The following ANKS1A variants were observed in gnomAD, a reference collection of about 807,000 sequenced individuals.
ANKS1A encodes the protein ankyrin repeat and SAM domain-containing protein 1A.
Under a neutral mutation model 120.3 loss-of-function variants are expected in ANKS1A, and 55 were observed. The observed-to-expected ratio is 0.46, with a 90% CI of 0.37 to 0.57. The LOEUF (loss-of-function observed/expected upper bound fraction) is 0.57. Ranked by LOEUF, ANKS1A falls within the 20% of genes least tolerant of loss-of-function variation. The pLI is 0.00. For synonymous variants in ANKS1A, 590 were observed against 604.7 expected, an observed-to-expected ratio of 0.98 and a Z score of 0.36; for missense variants, 1,123 against 1,480.3, an observed-to-expected ratio of 0.76 and a Z score of 3.96.
intron 1 of ANKS1A, among the ~76,000 whole-genome samples, chr6:34,934,982 C>A (rs1422889019): frequency 6.6e-6 from 1 of 152,212 alleles, no homozygotes; most frequent in Non-Finnish European, 1.5e-5. Flanking sequence ...CCATGTGAAG[C>A]CATTCATATT....
At chr6:35,012,281 G>A (rs138123001) in intron 10 of ANKS1A, among the ~76,000 whole-genome samples, 107 of 152,296 alleles carry the variant, frequency 7.0e-4, no homozygotes, top group African/African-American at 2.3e-3. Context: ...TCAGGTTGCC[G>A]TGGACCAAAA....
At chr6:35,074,700 G>A (rs1229123495) in intron 13 of ANKS1A, among the ~76,000 whole-genome samples, 1 of 152,248 alleles carries the variant, frequency 6.6e-6, no homozygotes, top group African/African-American at 2.4e-5. Flanking sequence ...GCTGGCCTCA[G>A]ACCTGGAGTG....
chr6:34,932,420 C>T (rs906130394), intron 1 of ANKS1A, among the ~76,000 whole-genome samples: 5 of 150,410 alleles, frequency 3.3e-5, no homozygotes, highest in Middle Eastern at 7.2e-3. Context: ...TCAGGCGATC[C>T]GCCTGAGGAT....
chr6:34,925,365 G>A (rs1456695849), intron 1 of ANKS1A, among the ~76,000 whole-genome samples: 8 of 152,214 alleles, frequency 5.3e-5, no homozygotes, highest in Non-Finnish European at 8.8e-5. Flanking sequence ...CATCAAGGGT[G>A]AGGGGAAGGA....
At chr6:34,969,695 G>C (rs847859) in intron 2 of ANKS1A, among the ~76,000 whole-genome samples, 70,595 of 152,134 alleles carry the variant, frequency 0.46, 21,616 homozygotes, top group African/African-American at 0.85. Flanking sequence ...GTTTAAACAT[G>C]ATAAACAAGG....
At chr6:34,926,087 T>G (rs942551125) in intron 1 of ANKS1A, among the ~76,000 whole-genome samples, 5 of 152,210 alleles carry the variant, frequency 3.3e-5, no homozygotes, top group Admixed American at 1.3e-4. Context: ...CCTAGGCCAA[T>G]GTGAAGTAAA....
At chr6:34,960,353 G>A (rs896610491) in intron 1 of ANKS1A, among the ~76,000 whole-genome samples, 70 of 151,702 alleles carry the variant, frequency 4.6e-4, no homozygotes, top group African/African-American at 1.7e-3. Context: ...TTGCTTATTC[G>A]CTCACTCTCT....
At chr6:34,919,501 G>T (rs1424524369) in intron 1 of ANKS1A, among the ~76,000 whole-genome samples, 1 of 152,280 alleles carries the variant, frequency 6.6e-6, no homozygotes, top group East Asian at 1.9e-4. Context: ...ACTCTGTCTT[G>T]CATCTAGACC....
At position 34,982,525 on chromosome 6, in the gene ANKS1A, G is replaced by C. The variant is rs762286708; in HGVS notation, c.733-227G>C. Reference sequence around the variant, plus strand: ...CCAGTAGATGGCTCTAAGAGTAACTGTTCAGTTATTCACACGTGGCCTGCT... The same window carrying C: ...CCAGTAGATGGCTCTAAGAGTAACTCTTCAGTTATTCACACGTGGCCTGCT... On this transcript the variant is annotated intron_variant, in intron 4 of 23. Coordinates refer to ENST00000360359, the MANE Select transcript of ANKS1A (RefSeq NM_015245.3). The surrounding 1 kb of genome is among the most constrained non-coding windows in gnomAD (Gnocchi z 4.9). 6.6e-6 allele frequency among the ~76,000 whole-genome samples: 1 copy of C among 152,174 alleles called. No individual in the cohort carries two copies. The highest frequency in any genetic ancestry group is 6.5e-5 in the Admixed American group (1 of 15,274).
chr6:35,009,266 G>A (rs1185078421), intron 10 of ANKS1A, among the ~76,000 whole-genome samples: 1 of 152,150 alleles, frequency 6.6e-6, no homozygotes, highest in African/African-American at 2.4e-5. Context: ...TATAGGAAGG[G>A]AGGTATGAAT....
At chr6:35,032,205 G>A (rs1774941777) in intron 11 of ANKS1A, among the ~76,000 whole-genome samples, 1 of 152,182 alleles carries the variant, frequency 6.6e-6, no homozygotes, top group African/African-American at 2.4e-5. Flanking sequence ...GTGAGGTGAG[G>A]CCCCATTAGA....
At chr6:35,030,378 G>A (rs1774848805) in intron 11 of ANKS1A, among the ~76,000 whole-genome samples, 1 of 152,096 alleles carries the variant, frequency 6.6e-6, no homozygotes, top group Non-Finnish European at 1.5e-5. Context: ...TAAGATGGGG[G>A]GCTGTTAGGT....
intron 1 of ANKS1A, among the ~76,000 whole-genome samples, chr6:34,897,833 G>T (rs574598715): frequency 6.6e-6 from 1 of 152,264 alleles, no homozygotes; most frequent in Non-Finnish European, 1.5e-5. Flanking sequence ...CAAGATAGTT[G>T]TATCTGTTTG....
chr6:34,915,088 A>AT (rs1768091855), intron 1 of ANKS1A, among the ~76,000 whole-genome samples: 1 of 152,270 alleles, frequency 6.6e-6, no homozygotes, highest in African/African-American at 2.4e-5. Flanking sequence ...ATAGAAGACC[A>AT]TTCTGTTTGA....
intron 1 of ANKS1A, among the ~76,000 whole-genome samples, chr6:34,897,653 T>C (rs1209349113): frequency 6.6e-6 from 1 of 152,224 alleles, no homozygotes; most frequent in African/African-American, 2.4e-5. Context: ...GTTACATTCA[T>C]AGAACATCTT....
chr6:35,052,437 C>CAAG (rs775265153), intron 11 of ANKS1A, among the ~76,000 whole-genome samples: 48 of 151,566 alleles, frequency 3.2e-4, no homozygotes, highest in Non-Finnish European at 4.7e-4. Flanking sequence ...GGCAACAGAG[C>CAAG]AAGACCCTGC....
chr6:35,031,449 A>G (rs545340170), intron 11 of ANKS1A, among the ~76,000 whole-genome samples: 1 of 152,196 alleles, frequency 6.6e-6, no homozygotes, highest in Non-Finnish European at 1.5e-5. Context: ...ATAAGGCCTG[A>G]GAAAGCCTAT....
At chr6:35,019,944 T>G (rs549121729) in intron 11 of ANKS1A, among the ~76,000 whole-genome samples, 1 of 152,282 alleles carries the variant, frequency 6.6e-6, no homozygotes, top group Non-Finnish European at 1.5e-5. Flanking sequence ...ATTAAAAGAC[T>G]GAGTCTTATG....
rs554852937 is a variant in ANKS1A at position 35,089,177 on chromosome 6, T to G, written c.*568T>G. Reference sequence around the variant, plus strand: ...ATATCAGCTGCTGCTCTTTATGAACTGCCCAACTTCCTGTCCCTTTCAGGG... The same window carrying G: ...ATATCAGCTGCTGCTCTTTATGAACGGCCCAACTTCCTGTCCCTTTCAGGG... On this transcript the variant is annotated 3_prime_UTR_variant, in exon 24 of 24. Coordinates refer to ENST00000360359, the MANE Select transcript of ANKS1A (RefSeq NM_015245.3). 257 of 999,412 alleles carry G rather than the reference T, an allele frequency of 2.6e-4. No homozygotes were observed. Among genetic ancestry groups the G allele is most frequent in the Non-Finnish European group, 3.0e-4 (253 of 837,026 alleles). 61.9% of individuals were successfully genotyped at this position (999,412 alleles called of 1,614,324 possible). A position where few individuals can be genotyped will look rare whatever the true frequency, so the allele number is the denominator to read the frequency against.
Sources: gnomAD v4.1 joint callset for allele counts (sites outside exome capture counted in the v4.1 genomes callset) on GRCh38, gnomAD v4.1.1 for gene constraint, Gnocchi (gnomAD v3.1) non-coding constraint, MANE v1.5 for transcripts, NCBI Gene and HGNC (gene_info 2026-07-23, HGNC 2026-07-21) for gene names.